The following DAAM1 variants were observed in gnomAD, a reference collection of about 807,000 sequenced individuals.
DAAM1 encodes dishevelled associated activator of morphogenesis 1.
In DAAM1, 52 loss-of-function variants were observed where a neutral mutation model predicts 130.0. The observed-to-expected ratio is 0.40, with a 90% CI of 0.32 to 0.50. The LOEUF is 0.50. DAAM1 is among the 20% of genes least tolerant of loss of function. The pLI is 0.61. For synonymous variants in DAAM1, 452 were observed against 444.5 expected (o/e 1.02, Z -0.21); for missense variants, 1,134 against 1,303.8 (o/e 0.87, Z 2.01).
intron 2 of DAAM1, 159 bp downstream of exon 2, chr14:59,263,819 C>T (rs547934487): frequency 1.8e-4 from 154 of 873,902 alleles, no homozygotes; most frequent in Non-Finnish European, 2.6e-4. Flanking sequence ...AGCACTAAAC[C>T]TGTGGAGAAG....
intron 16 of DAAM1, among the ~76,000 whole-genome samples, chr14:59,345,673 G>T (rs748347552): frequency 6.6e-6 from 1 of 152,144 alleles, no homozygotes; most frequent in South Asian, 2.1e-4. Context: ...TTGAGTGCGC[G>T]CTTTCAGTTG....
chr14:59,282,188 G>A (rs926508261), intron 2 of DAAM1, among the ~76,000 whole-genome samples: 3 of 151,974 alleles, frequency 2.0e-5, no homozygotes, highest in African/African-American at 7.3e-5. Flanking sequence ...CCCTCATAAT[G>A]GAATTTTCCG....
intron 16 of DAAM1, among the ~76,000 whole-genome samples, chr14:59,345,056 T>G (rs1566715554): frequency 6.6e-6 from 1 of 152,142 alleles, no homozygotes; most frequent in East Asian, 1.9e-4. Flanking sequence ...TTGTTACTGT[T>G]CCTTGGCCTT....
intron 1 of DAAM1, among the ~76,000 whole-genome samples, chr14:59,192,917 G>A (rs2139378385): frequency 6.6e-6 from 1 of 152,330 alleles, no homozygotes; most frequent in South Asian, 2.1e-4. Flanking sequence ...GCCGGGTGTG[G>A]TGGCGGGTGC....
At chr14:59,368,409 A>ACCTAGAATCTAG (rs1313678757) in intron 24 of DAAM1, among the ~76,000 whole-genome samples, 5 of 152,088 alleles carry the variant, frequency 3.3e-5, no homozygotes, top group Non-Finnish European at 7.4e-5. Context: ...CATGCAGTTT[A>ACCTAGAATCTAG]CCTAGAATCT....
chr14:59,208,662 G>A (rs1888336006), intron 1 of DAAM1, among the ~76,000 whole-genome samples: 1 of 152,114 alleles, frequency 6.6e-6, no homozygotes, highest in South Asian at 2.1e-4. Flanking sequence ...TATGACCCAT[G>A]AATAGGCATC....
intron 18 of DAAM1, among the ~76,000 whole-genome samples, chr14:59,353,079 T>C (rs2139670791): frequency 6.6e-6 from 1 of 152,152 alleles, no homozygotes; most frequent in East Asian, 1.9e-4. Flanking sequence ...AGGGTCTAGA[T>C]GTCAGATCAT....
intron 2 of DAAM1, among the ~76,000 whole-genome samples, chr14:59,267,266 A>G (rs896860564): frequency 2.0e-5 from 3 of 152,188 alleles, no homozygotes; most frequent in African/African-American, 7.2e-5. Flanking sequence ...TGATGTTTTT[A>G]AAAGTGATAC....
intron 1 of DAAM1, among the ~76,000 whole-genome samples, chr14:59,204,512 A>G (rs556781139): frequency 6.0e-4 from 91 of 152,370 alleles, no homozygotes; most frequent in African/African-American, 2.0e-3. Flanking sequence ...GATTAGGCCA[A>G]GCCCACCCAG....
intron 3 of DAAM1, among the ~76,000 whole-genome samples, chr14:59,303,835 G>A (rs938867657): frequency 1.4e-4 from 21 of 152,160 alleles, no homozygotes; most frequent in Non-Finnish European, 2.9e-4. Flanking sequence ...AGGAGGCGGA[G>A]GTTGCAGTGA....
At chr14:59,240,206 C>G (rs1475533974) in intron 1 of DAAM1, among the ~76,000 whole-genome samples, 1 of 152,082 alleles carries the variant, frequency 6.6e-6, no homozygotes, top group Non-Finnish European at 1.5e-5. Flanking sequence ...CCTTGCTGAC[C>G]GCCCCCAGTT....
chr14:59,271,688 A>G (rs555307578), intron 2 of DAAM1, among the ~76,000 whole-genome samples: 33 of 152,306 alleles, frequency 2.2e-4, no homozygotes, highest in Non-Finnish European at 2.8e-4. Context: ...TTGTTCTTCT[A>G]CCAGCCTTGT....
chr14:59,244,125 G>A (rs73295955), intron 1 of DAAM1, among the ~76,000 whole-genome samples: 8,813 of 152,088 alleles, frequency 0.058, 866 homozygotes, highest in African/African-American at 0.2. Flanking sequence ...GGTGATTTCC[G>A]CTTTCACTTG....
At chr14:59,216,033 T>A (rs1888568558) in intron 1 of DAAM1, among the ~76,000 whole-genome samples, 1 of 152,100 alleles carries the variant, frequency 6.6e-6, no homozygotes, top group South Asian at 2.1e-4. Flanking sequence ...ACCCAGTCAC[T>A]CTTCTTGTGG....
chr14:59,257,305 C>G (rs1490179959), intron 1 of DAAM1, among the ~76,000 whole-genome samples: 1 of 151,862 alleles, frequency 6.6e-6, no homozygotes, highest in Non-Finnish European at 1.5e-5. Context: ...TGAGAATATA[C>G]TACGTGCCAG....
chr14:59,330,407 TC>T, intron 12 of DAAM1, 93 bp from the exon 13 acceptor site: 1 of 1,180,084 alleles, frequency 8.5e-7, no homozygotes, highest in Non-Finnish European at 1.2e-6. Flanking sequence ...ATCCTCATAA[TC>T]TCTGCCATCA....
At chr14:59,224,901 G>A (rs868219269) in intron 1 of DAAM1, among the ~76,000 whole-genome samples, 16 of 152,114 alleles carry the variant, frequency 1.1e-4, no homozygotes, top group Middle Eastern at 6.8e-3. Flanking sequence ...ACGGTGCGAA[G>A]GCACCATTCC....
intron 1 of DAAM1, among the ~76,000 whole-genome samples, chr14:59,201,373 A>G (rs887909739): frequency 2.0e-5 from 3 of 152,040 alleles, no homozygotes; most frequent in African/African-American, 4.8e-5. Flanking sequence ...CTGTAATCCC[A>G]TTAACTTGGG....
At chr14:59,340,320 C>G in intron 16 of DAAM1, 140 bp downstream of exon 16, 2 of 729,948 alleles carry the variant, frequency 2.7e-6, no homozygotes, top group South Asian at 1.9e-5. Context: ...AAAATGAGAA[C>G]AGCTCTTGGT....
Sources: gnomAD v4.1 joint callset for allele counts (sites outside exome capture counted in the v4.1 genomes callset) on GRCh38, gnomAD v4.1.1 for gene constraint, MANE v1.5 for transcripts, NCBI Gene and HGNC (gene_info 2026-07-23, HGNC 2026-07-21) for gene names.